COMP: variants seen among roughly 807,000 people sequenced by gnomAD.
The protein encoded by COMP is cartilage oligomeric matrix protein.
A neutral mutation model predicts 95.8 loss-of-function variants in COMP; 79 were observed. That is an observed-to-expected ratio of 0.82 (90% CI 0.69 to 0.99). The LOEUF (loss-of-function observed/expected upper bound fraction) is 0.99, where lower values mean the gene tolerates loss of function less well. Ranked by LOEUF, COMP falls within the 50% of genes least tolerant of loss-of-function variation. COMP has a pLI of 0.00. For synonymous variants in COMP, 438 were observed against 433.9 expected (o/e 1.01, Z -0.12); for missense variants, 906 against 1,076.1 (o/e 0.84, Z 2.21).
Position 18,788,834 on chromosome 19 carries a change from C to G in COMP, c.603+5G>C, listed in dbSNP as rs367718624. 3.1e-6 allele frequency: 5 copies of G among 1,613,812 alleles called. No individual in the cohort carries two copies. Among genetic ancestry groups the G allele is most frequent in the Middle Eastern group, 1.7e-4 (1 of 6,050 alleles). On this transcript the variant is annotated splice_donor_5th_base_variant and intron_variant, in intron 6 of 18. Transcript: ENST00000222271. The surrounding 1 kb of genome is among the most constrained non-coding windows in gnomAD (Gnocchi z 4.7). ...GATCCTTTCTTCCTCCCCAGCGGGCCTTACCCGGGTGTTGATGCACACGGA... is the reference window on the plus strand; with the variant it reads ...GATCCTTTCTTCCTCCCCAGCGGGCGTTACCCGGGTGTTGATGCACACGGA...
intron 17 of COMP, 71 bp from the exon 18 acceptor site, chr19:18,783,264 G>A: frequency 6.3e-7 from 1 of 1,575,580 alleles, no homozygotes. Flanking sequence ...TCAGTGGCCA[G>A]CCCTGGAAGA....
chr19:18,788,897 TTGA>T lies in COMP; in HGVS notation c.542_544del (p.Ile181del). The T allele has an allele frequency of 6.2e-7, 1 of 1,613,758 alleles. No homozygotes were observed. Among genetic ancestry groups the T allele is most frequent in the Non-Finnish European group, 8.5e-7 (1 of 1,179,940 alleles). On this transcript the variant is annotated inframe_deletion, in exon 6 of 19. Transcript: ENST00000222271. The surrounding 1 kb of genome is among the most constrained non-coding windows in gnomAD (Gnocchi z 4.7). ...GTTATGTTGCCCGGTCTCACACTCG[TTGA>T]TGTCCGTGCAAACCTAGGGGAGGGG...
chr19:18,787,317 CCTTGCAGCCCAG>C (rs1265212295), intron 10 of COMP, among the ~76,000 whole-genome samples, 162 bp downstream of exon 10: 1 of 152,262 alleles, frequency 6.6e-6, no homozygotes, highest in African/African-American at 2.4e-5. Context: ...TTTTTCCTGG[CCTTGCAGCCCAG>C]CTTGCATTTT....
Position 18,789,338 on chromosome 19 carries a change from C to T in COMP, c.391-41G>A, listed in dbSNP as rs76894490. On this transcript the variant is annotated intron_variant, in intron 4 of 18. Transcript: ENST00000222271. The surrounding 1 kb of genome is among the most constrained non-coding windows in gnomAD (Gnocchi z 6.1). The stretch of plus-strand genomic sequence containing the variant: ...CCACAGAGGGTCAGAGGGCTTCGAG[C>T]TGGGCCCTGGGGGCCGCACCTCGTA... 7,283 of 1,433,156 alleles carry T rather than the reference C, an allele frequency of 5.1e-3. 320 individuals are homozygous for T. The African/African-American group carries it at 0.094, about 18-fold the overall frequency. 88.8% of individuals were successfully genotyped at this position (1,433,156 alleles called of 1,614,324 possible). A position where few individuals can be genotyped will look rare whatever the true frequency, so the allele number is the denominator to read the frequency against.
In COMP at chr19:18,791,248, C is replaced by T; in HGVS notation, c.22G>A (p.Val8Ile). The T allele has an allele frequency of 6.3e-7, 1 of 1,598,408 alleles. No individual in the cohort carries two copies. The highest frequency in any genetic ancestry group is 1.1e-5 in the South Asian group (1 of 88,328). Residue 8 changes from valine (V) to isoleucine (I), a missense_variant, in exon 1 of 19, where the codon GTT becomes ATT. Coordinates refer to ENST00000222271, the MANE Select transcript of COMP (RefSeq NM_000095.3). Reference sequence around the variant, plus strand: ...AGGGCAGCCAGGGTGAGCAGAAGAACGCAGGCGGTGTCGGGGACCATGGCG... The same window carrying T: ...AGGGCAGCCAGGGTGAGCAGAAGAATGCAGGCGGTGTCGGGGACCATGGCG... MVPDTAC[V>I]LLLTLAALGA...
rs1449006133 is a variant in COMP at position 18,791,279 on chromosome 19, G to A, written c.-10C>T. ...CGGTGTCGGGGACCATGGCGGTGGCGGGGAGCTGGGTGGCTGCTCGCTTTC... is the reference window on the plus strand; with the variant it reads ...CGGTGTCGGGGACCATGGCGGTGGCAGGGAGCTGGGTGGCTGCTCGCTTTC... On this transcript the variant is annotated 5_prime_UTR_variant, in exon 1 of 19. Coordinates refer to ENST00000222271, the MANE Select transcript of COMP (RefSeq NM_000095.3). The A allele has an allele frequency of 6.3e-6, 10 of 1,586,832 alleles. No homozygotes were observed. Among genetic ancestry groups the A allele is most frequent in the African/African-American group, 5.4e-5 (4 of 74,738 alleles).
chr19:18,789,865 G>A lies in COMP; in HGVS notation c.390+77C>T. On this transcript the variant is annotated intron_variant, in intron 4 of 18. Transcript: ENST00000222271. The surrounding 1 kb of genome is among the most constrained non-coding windows in gnomAD (Gnocchi z 6.1). ...GGGGCGAACACTCCCAGTGGAGGAAGGGGTCTCCCGGGCGGCGAGAGATTG... is the reference window on the plus strand; with the variant it reads ...GGGGCGAACACTCCCAGTGGAGGAAAGGGTCTCCCGGGCGGCGAGAGATTG... 6.6e-7 allele frequency: 1 copy of A among 1,518,334 alleles called. No homozygotes were observed. The highest frequency in any genetic ancestry group is 8.9e-7 in the Non-Finnish European group (1 of 1,119,336). 94.1% of individuals were successfully genotyped at this position (1,518,334 alleles called of 1,614,324 possible).
intron 9 of COMP, among the ~76,000 whole-genome samples, chr19:18,787,914 CTTTTTT>C (rs1169365963): frequency 7.3e-6 from 1 of 137,000 alleles, no homozygotes; most frequent in African/African-American, 2.6e-5. Flanking sequence ...TTCTTTCTTT[CTTTTTT>C]TTGAGACAGA....
intron 9 of COMP, 110 bp from the exon 10 acceptor site, chr19:18,787,760 C>T: frequency 6.8e-7 from 1 of 1,461,828 alleles, no homozygotes. Flanking sequence ...AACCTTTCGC[C>T]CCTCCTAGAC....
At chr19:18,787,757 C>T in intron 9 of COMP, 107 bp from the exon 10 acceptor site, 1 of 1,509,100 alleles carries the variant, frequency 6.6e-7, no homozygotes, top group Non-Finnish European at 9.1e-7. Context: ...AGGAACCTTT[C>T]GCCCCTCCTA....
At chr19:18,785,645 T>C in intron 14 of COMP, 28 bp downstream of exon 14, 1 of 1,613,408 alleles carries the variant, frequency 6.2e-7, no homozygotes, top group Non-Finnish European at 8.5e-7. Context: ...TAGGGTCCCA[T>C]CACCCCCCAC....
At chr19:18,790,203 G>T in intron 3 of COMP, 89 bp from the exon 4 acceptor site, 2 of 1,045,370 alleles carry the variant, frequency 1.9e-6, no homozygotes, top group Non-Finnish European at 2.7e-6. Flanking sequence ...GGGGCTGGAG[G>T]CTTCCCCTTC....
At chr19:18,787,676 GAGATCAGGTCGAGA>G in intron 9 of COMP, 26 bp from the exon 10 acceptor site, 1 of 1,612,462 alleles carries the variant, frequency 6.2e-7, no homozygotes, top group South Asian at 1.1e-5. Flanking sequence ...GGTTAAGGGT[GAGATCAGGTCGAGA>G]AGGCAAAGGT....
In COMP at chr19:18,784,820, G is replaced by A. The variant is rs1029801115; in HGVS notation, c.1914+76C>T. 1.1e-5 allele frequency: 17 copies of A among 1,520,822 alleles called. No individual in the cohort carries two copies. Among genetic ancestry groups the A allele is most frequent in the Non-Finnish European group, 5.4e-6 (6 of 1,105,586 alleles). The allele number at this position is 1,520,822 out of a possible 1,614,324, so 94.2% of individuals were successfully genotyped here. On this transcript the variant is annotated intron_variant, in intron 16 of 18. Transcript: ENST00000222271. This position sits in a 1 kb window ranked among gnomAD's most constrained non-coding sequence, Gnocchi z 4.9. Reference sequence around the variant, plus strand: ...AGGCTAGGGGGCTGGGGGGCTCTAAGGGCTGTAAAGGGTTTTACGGAGGGT... The same window carrying A: ...AGGCTAGGGGGCTGGGGGGCTCTAAAGGCTGTAAAGGGTTTTACGGAGGGT...
At chr19:18,787,758 G>A in intron 9 of COMP, 108 bp from the exon 10 acceptor site, 4 of 1,491,396 alleles carry the variant, frequency 2.7e-6, no homozygotes, top group South Asian at 2.3e-5. Context: ...GGAACCTTTC[G>A]CCCCTCCTAG....
chr19:18,786,761 AGCTTT>A, intron 10 of COMP, 111 bp from the exon 11 acceptor site: 1 of 365,950 alleles, frequency 2.7e-6, no homozygotes, highest in Non-Finnish European at 4.8e-6. Context: ...ACTTCATGGA[AGCTTT>A]TTTTTTTTTT....
rs762472383 is a variant in COMP at position 18,785,542 on chromosome 19, C to T, written c.1673G>A (p.Arg558Lys). ...DPNWVVLNQGREIVQTMNSDP... is the reference protein window; with the variant it reads ...DPNWVVLNQGKEIVQTMNSDP... ...GCTGTTCATTGTCTGCACGATCTCCCTTCCCTGATGGGGTCAAAGAAAGGA... is the reference window on the plus strand; with the variant it reads ...GCTGTTCATTGTCTGCACGATCTCCTTTCCCTGATGGGGTCAAAGAAAGGA... The change falls in exon 15 of 19, where the codon AGG (arginine) becomes AAG (lysine). Residue 558 changes from arginine (R) to lysine (K), a missense_variant. Transcript: ENST00000222271. 6.2e-7 allele frequency: 1 copy of T among 1,614,094 alleles called. No individual in the cohort carries two copies. Among genetic ancestry groups the T allele is most frequent in the Non-Finnish European group, 8.5e-7 (1 of 1,180,036 alleles).
At chr19:18,785,573 T>C (rs779012253) in intron 14 of COMP, 27 bp from the exon 15 acceptor site, 1 of 1,613,952 alleles carries the variant, frequency 6.2e-7, no homozygotes, top group East Asian at 2.2e-5. Context: ...AAGGAGGGCC[T>C]CAGGCTGGCC....
Position 18,785,048 on chromosome 19 carries a change from C to A in COMP, c.1762G>T (p.Val588Leu). The A allele has an allele frequency of 6.2e-7, 1 of 1,614,142 alleles. No homozygotes were observed. ...NGVDFEGTFH[V>L]NTVTDDDYAG... is the part of the protein sequence containing the mutation. ...TAGTCGTCATCCGTGACCGTGTTCA[C>A]ATGGAACGTGCCCTCGAAGTCCACG... Residue 588 changes from valine (V) to leucine (L), a missense_variant, in exon 16 of 19, where the codon GTG becomes TTG. Coordinates refer to ENST00000222271, the MANE Select transcript of COMP (RefSeq NM_000095.3).
Sources: gnomAD v4.1 joint callset for allele counts (sites outside exome capture counted in the v4.1 genomes callset) on GRCh38, gnomAD v4.1.1 for gene constraint, Gnocchi (gnomAD v3.1) non-coding constraint, MANE v1.5 for transcripts, NCBI Gene and HGNC (gene_info 2026-07-23, HGNC 2026-07-21) for gene names.